GPC6: variants seen among roughly 807,000 people sequenced by gnomAD.
GPC6 encodes glypican-6.
Under a neutral mutation model 55.2 loss-of-function variants are expected in GPC6, and 14 were observed. The observed-to-expected ratio is 0.25, with a 90% CI of 0.17 to 0.40. The LOEUF (loss-of-function observed/expected upper bound fraction) is 0.40. GPC6 is among the 10% of genes least tolerant of loss of function. GPC6 has a pLI of 1.00. For synonymous variants in GPC6, 278 were observed against 259.6 expected (o/e 1.07, Z -0.68); for missense variants, 641 against 708.5 (o/e 0.90, Z 1.08).
intron 1 of GPC6, among the ~76,000 whole-genome samples, chr13:93,435,561 T>C (rs1877541035): frequency 6.6e-6 from 1 of 152,080 alleles, no homozygotes; most frequent in Admixed American, 6.6e-5. Context: ...CAGAGAAATT[T>C]CCTTTTACTA....
At chr13:93,381,797 A>G (rs371312134) in intron 1 of GPC6, among the ~76,000 whole-genome samples, 17 of 152,238 alleles carry the variant, frequency 1.1e-4, no homozygotes, top group East Asian at 9.7e-4. Flanking sequence ...ACTTTCCACC[A>G]CATCACACTG....
intron 2 of GPC6, among the ~76,000 whole-genome samples, chr13:93,694,718 A>G (rs1475208386): frequency 6.6e-6 from 1 of 152,174 alleles, no homozygotes; most frequent in African/African-American, 2.4e-5. Flanking sequence ...ACAAGGCAGT[A>G]TCAGCACCTT....
intron 4 of GPC6, among the ~76,000 whole-genome samples, chr13:94,077,154 C>G (rs1298099005): frequency 6.6e-6 from 1 of 151,698 alleles, no homozygotes; most frequent in Non-Finnish European, 1.5e-5. Flanking sequence ...TCTTTAATTT[C>G]TTTCATCAAC....
rs552328044 is a variant in GPC6 at position 93,827,542 on chromosome 13, G to A, written c.320-2612G>A. 2.6e-4 allele frequency among the ~76,000 whole-genome samples: 39 copies of A among 152,230 alleles called. No homozygotes were observed. In the South Asian group the frequency reaches 5.4e-3, roughly 21 times the overall value. On this transcript the variant is annotated intron_variant, in intron 2 of 8. Transcript: ENST00000377047. ...TGTCATAATTGGCTGATACATTAGC[G>A]TCTTTCAATACCAAATATTAACTTT...
intron 2 of GPC6, among the ~76,000 whole-genome samples, chr13:93,778,411 C>G (rs1029767416): frequency 6.6e-6 from 1 of 152,114 alleles, no homozygotes; most frequent in African/African-American, 2.4e-5. Context: ...CAAATACATG[C>G]AAATACACTC....
intron 4 of GPC6, among the ~76,000 whole-genome samples, chr13:94,196,190 T>G (rs1889569930): frequency 6.6e-6 from 1 of 152,110 alleles, no homozygotes; most frequent in South Asian, 2.1e-4. Context: ...TTTCAGTTTT[T>G]TTTTTTTTTC....
intron 4 of GPC6, among the ~76,000 whole-genome samples, chr13:94,166,399 G>A (rs1049616010): frequency 6.6e-6 from 1 of 152,164 alleles, no homozygotes; most frequent in African/African-American, 2.4e-5. Flanking sequence ...TTCTTCCTCA[G>A]AAGATAGCCT....
At chr13:93,674,158 T>G (rs975954967) in intron 2 of GPC6, among the ~76,000 whole-genome samples, 8 of 152,106 alleles carry the variant, frequency 5.3e-5, no homozygotes, top group African/African-American at 1.7e-4. Context: ...GTTTTGGATT[T>G]AGGTCATCAG....
At chr13:93,716,164 T>C (rs1200659653) in intron 2 of GPC6, among the ~76,000 whole-genome samples, 1 of 151,724 alleles carries the variant, frequency 6.6e-6, no homozygotes, top group Admixed American at 6.6e-5. Flanking sequence ...TTATATACAG[T>C]ACATACTACT....
At chr13:93,685,085 C>T (rs1881999656) in intron 2 of GPC6, among the ~76,000 whole-genome samples, 1 of 152,174 alleles carries the variant, frequency 6.6e-6, no homozygotes, top group Admixed American at 6.5e-5. Flanking sequence ...TAAGTCACTA[C>T]CACCCATTTC....
At chr13:93,879,141 C>G (rs1874793782) in intron 3 of GPC6, among the ~76,000 whole-genome samples, 1 of 152,072 alleles carries the variant, frequency 6.6e-6, no homozygotes, top group East Asian at 1.9e-4. Flanking sequence ...CCTGAGGCTT[C>G]TGCATTCTTC....
At chr13:94,325,228 T>A (rs1031453367) in intron 6 of GPC6, among the ~76,000 whole-genome samples, 4 of 152,078 alleles carry the variant, frequency 2.6e-5, no homozygotes, top group South Asian at 2.1e-4. Flanking sequence ...ACACCAGGAC[T>A]ATTTTTAGTG....
chr13:93,689,676 T>G (rs1278891731), intron 2 of GPC6, among the ~76,000 whole-genome samples: 1 of 152,150 alleles, frequency 6.6e-6, no homozygotes, highest in Admixed American at 6.6e-5. Flanking sequence ...CCTAAAACAT[T>G]AAATCACAAT....
At chr13:93,339,621 T>C (rs1880169647) in intron 1 of GPC6, among the ~76,000 whole-genome samples, 1 of 152,210 alleles carries the variant, frequency 6.6e-6, no homozygotes, top group Non-Finnish European at 1.5e-5. Context: ...GTGGAATGAA[T>C]TTTAGTGCAT....
chr13:94,165,978 T>C (rs1296714992), intron 4 of GPC6, among the ~76,000 whole-genome samples: 1 of 152,026 alleles, frequency 6.6e-6, no homozygotes, highest in African/African-American at 2.4e-5. Flanking sequence ...AGGAAGAAAA[T>C]TTTTCATGTA....
intron 4 of GPC6, among the ~76,000 whole-genome samples, chr13:94,146,720 G>C (rs1273206436): frequency 6.6e-6 from 1 of 152,092 alleles, no homozygotes; most frequent in Non-Finnish European, 1.5e-5. Flanking sequence ...CAGATGGAAA[G>C]TCCCATACCA....
chr13:93,739,043 G>C (rs916487924), intron 2 of GPC6, among the ~76,000 whole-genome samples: 1 of 151,840 alleles, frequency 6.6e-6, no homozygotes. Context: ...CCAATACAGA[G>C]GTCAGATATG....
intron 3 of GPC6, among the ~76,000 whole-genome samples, chr13:93,917,352 C>T (rs868528426): frequency 8.6e-5 from 13 of 151,448 alleles, no homozygotes; most frequent in Non-Finnish European, 1.5e-4. Context: ...GCAGCCACAG[C>T]GTGGAAAAAC....
At chr13:93,216,938 T>C in the GPC6 span, among the ~76,000 whole-genome samples, 1 of 152,204 alleles carries the variant, frequency 6.6e-6, no homozygotes. Context: ...TGTACAAATA[T>C]AAAATTTTCC....
Sources: allele counts gnomAD v4.1 joint callset (sites outside exome capture counted in the v4.1 genomes callset), GRCh38; gene constraint gnomAD v4.1.1; transcripts MANE v1.5; gene names NCBI Gene and HGNC (gene_info 2026-07-23, HGNC 2026-07-21).